RALYL: variants seen among roughly 807,000 people sequenced by gnomAD.
RALYL encodes RNA-binding Raly-like protein.
A neutral mutation model predicts 35.1 loss-of-function variants in RALYL; 29 were observed. That is an observed-to-expected ratio of 0.83 (90% confidence interval 0.61 to 1.13). RALYL has a LOEUF of 1.13. Ranked by LOEUF, RALYL falls within the 50% of genes most tolerant of loss-of-function variation. RALYL has a pLI of 0.00. For synonymous variants in RALYL, 120 were observed against 127.6 expected, an observed-to-expected ratio of 0.94 and a Z score of 0.40; for missense variants, 359 against 360.4, an observed-to-expected ratio of 1.00 and a Z score of 0.03.
rs370756176 is a variant in RALYL at position 84,786,758 on chromosome 8, A to C, written c.332+12104A>C. 2.8e-3 allele frequency among the ~76,000 whole-genome samples: 421 copies of C among 151,980 alleles called. 3 individuals carry two copies. The highest frequency in any genetic ancestry group is 9.5e-3 in the African/African-American group (392 of 41,440). Reference sequence around the variant, plus strand: ...TTTGTCAGATGGTTAGATTGCAAAAATTTTCTCCCATTCTGTAAGTTGTCT... The same window carrying C: ...TTTGTCAGATGGTTAGATTGCAAAACTTTTCTCCCATTCTGTAAGTTGTCT... On this transcript the variant is annotated intron_variant, in intron 3 of 8. Coordinates refer to ENST00000521268, the MANE Select transcript of RALYL (RefSeq NM_173848.7).
At chr8:84,454,332 T>TGTG (rs762925136) in intron 1 of RALYL, among the ~76,000 whole-genome samples, 6,537 of 152,000 alleles carry the variant, frequency 0.043, 167 homozygotes, top group Middle Eastern at 0.078. Context: ...AGGGCAAACC[T>TGTG]TTTTTAAAAA....
At chr8:84,658,352 G>A (rs530125565) in intron 2 of RALYL, among the ~76,000 whole-genome samples, 6 of 152,274 alleles carry the variant, frequency 3.9e-5, no homozygotes, top group African/African-American at 1.2e-4. Flanking sequence ...GAATGGCTAC[G>A]CTGCAGGCTG....
chr8:84,701,113 A>G lies in RALYL; in HGVS notation c.257-73466A>G, dbSNP rs1286654564. ...TACATCAGGGGCGCTGGGTGATATGAATGACCTAGGAGAAAGGTTAACTGT... is the reference window on the plus strand; with the variant it reads ...TACATCAGGGGCGCTGGGTGATATGGATGACCTAGGAGAAAGGTTAACTGT... On this transcript the variant is annotated intron_variant, in intron 2 of 8. Transcript: ENST00000521268. Among the ~76,000 whole-genome samples, 5 of 152,248 alleles carry G rather than the reference A, an allele frequency of 3.3e-5. No individual in the cohort carries two copies. The East Asian group carries it at 9.7e-4, about 29-fold the overall frequency.
At chr8:84,500,440 T>C (rs369223231) in intron 1 of RALYL, among the ~76,000 whole-genome samples, 8 of 152,314 alleles carry the variant, frequency 5.3e-5, no homozygotes, top group African/African-American at 1.9e-4. Context: ...GCAGTAGCTC[T>C]TGAACTGGAA....
At chr8:84,319,073 A>C (rs991410822) in intron 1 of RALYL, among the ~76,000 whole-genome samples, 8 of 152,170 alleles carry the variant, frequency 5.3e-5, no homozygotes, top group Non-Finnish European at 1.2e-4. Flanking sequence ...TTTCCTAAAT[A>C]AATTTGAAAT....
At chr8:84,302,246 A>G (rs1840940308) in intron 1 of RALYL, among the ~76,000 whole-genome samples, 1 of 152,160 alleles carries the variant, frequency 6.6e-6, no homozygotes, top group Non-Finnish European at 1.5e-5. Flanking sequence ...GCTTCACATC[A>G]TATCTAATAC....
At chr8:84,451,101 A>T (rs1352926041) in intron 1 of RALYL, among the ~76,000 whole-genome samples, 4 of 152,004 alleles carry the variant, frequency 2.6e-5, no homozygotes, top group African/African-American at 9.7e-5. Flanking sequence ...GGTAAATAAG[A>T]TTAACTCTAG....
intron 2 of RALYL, among the ~76,000 whole-genome samples, chr8:84,671,045 C>T (rs896618559): frequency 6.6e-6 from 1 of 152,120 alleles, no homozygotes; most frequent in African/African-American, 2.4e-5. Flanking sequence ...GGGGTACAGG[C>T]ATTGGGTAAA....
chr8:84,342,277 A>ATATATATATATATATATAT lies in RALYL; in HGVS notation c.-24+157853_-24+157854insTATATATATATATATATAT, dbSNP rs1848942440. ...TGAGTGAGGGTACAGAGCATCGTTCAATATATATATATATATATAAAACTC... is the reference window on the plus strand; with the variant it reads ...TGAGTGAGGGTACAGAGCATCGTTCATATATATATATATATATATATATATATATATATATATAAAACTC... On this transcript the variant is annotated intron_variant, in intron 1 of 8. Coordinates refer to ENST00000521268, the MANE Select transcript of RALYL (RefSeq NM_173848.7). 1.3e-3 allele frequency among the ~76,000 whole-genome samples: 84 copies of ATATATATATATATATATAT among 66,126 alleles called. 1 individual carries two copies. The highest frequency in any genetic ancestry group is 5.7e-3 in the African/African-American group (76 of 13,332). 43.4% of individuals were successfully genotyped at this position (66,126 alleles called of 152,430 possible).
At chr8:84,627,714 A>T (rs1823043843) in intron 2 of RALYL, among the ~76,000 whole-genome samples, 1 of 151,884 alleles carries the variant, frequency 6.6e-6, no homozygotes, top group Non-Finnish European at 1.5e-5. Context: ...GGTCTTATAG[A>T]TAAAATTGAA....
chr8:84,426,548 A>C (rs1451397810), intron 1 of RALYL, among the ~76,000 whole-genome samples: 1 of 151,844 alleles, frequency 6.6e-6, no homozygotes, highest in Admixed American at 6.6e-5. Flanking sequence ...AATAAGCATA[A>C]TGTACTCCAG....
chr8:84,789,100 G>T (rs556944042), intron 3 of RALYL, among the ~76,000 whole-genome samples: 1 of 152,196 alleles, frequency 6.6e-6, no homozygotes, highest in Non-Finnish European at 1.5e-5. Context: ...TATGCAGAGC[G>T]TGGGACATGA....
Position 84,816,235 on chromosome 8 carries a change from C to CA in RALYL, c.365+11439dup, listed in dbSNP as rs778925344. 7.2e-5 allele frequency among the ~76,000 whole-genome samples: 11 copies of CA among 151,992 alleles called. No individual in the cohort carries two copies. In the South Asian group the frequency reaches 1.0e-3, roughly 14 times the overall value. Reference sequence around the variant, plus strand: ...AGATTTCCATTTTAAGGTTACATGTCAAAAAATGCATGAAGTTTCTTCAAG... The same window carrying CA: ...AGATTTCCATTTTAAGGTTACATGTCAAAAAAATGCATGAAGTTTCTTCAAG... On this transcript the variant is annotated intron_variant, in intron 4 of 8. Coordinates refer to ENST00000521268, the MANE Select transcript of RALYL (RefSeq NM_173848.7).
intron 2 of RALYL, among the ~76,000 whole-genome samples, chr8:84,533,639 A>C (rs2059412426): frequency 6.6e-6 from 1 of 152,218 alleles, no homozygotes; most frequent in Non-Finnish European, 1.5e-5. Flanking sequence ...ACCCATATGC[A>C]GGCCCCTGTC....
intron 1 of RALYL, among the ~76,000 whole-genome samples, chr8:84,213,249 G>A (rs533807939): frequency 1.3e-5 from 2 of 152,166 alleles, no homozygotes; most frequent in African/African-American, 4.8e-5. Context: ...AAATTAGCTA[G>A]GCATGGTGGC....
intron 6 of RALYL, among the ~76,000 whole-genome samples, chr8:84,870,510 G>C (rs911410157): frequency 5.9e-5 from 9 of 151,438 alleles, no homozygotes; most frequent in African/African-American, 2.2e-4. Context: ...TTTATCTAGA[G>C]AAAAAGAGCA....
intron 8 of RALYL, among the ~76,000 whole-genome samples, chr8:84,908,273 T>C (rs752365640): frequency 1.6e-4 from 25 of 152,290 alleles, no homozygotes; most frequent in Middle Eastern, 3.4e-3. Context: ...TTATTAACTA[T>C]AGTCACCATA....
chr8:84,463,034 T>C (rs765651090), intron 1 of RALYL, among the ~76,000 whole-genome samples: 1 of 151,986 alleles, frequency 6.6e-6, no homozygotes, highest in Non-Finnish European at 1.5e-5. Flanking sequence ...TCCTGGTTCA[T>C]CCTTTTGAGA....
chr8:84,679,207 T>C (rs1476096604), intron 2 of RALYL: 1 of 198,070 alleles, frequency 5.0e-6, no homozygotes, highest in Non-Finnish European at 1.1e-5. Context: ...GGGATGAAAT[T>C]TGATGTGGAA....
Sources: gnomAD v4.1 joint callset for allele counts (sites outside exome capture counted in the v4.1 genomes callset) on GRCh38, gnomAD v4.1.1 for gene constraint, MANE v1.5 for transcripts, NCBI Gene and HGNC (gene_info 2026-07-23, HGNC 2026-07-21) for gene names.